SRGAP3: variants seen among roughly 807,000 people sequenced by gnomAD.
SRGAP3 encodes SLIT-ROBO Rho GTPase activating protein 3.
Under a neutral mutation model 121.1 loss-of-function variants are expected in SRGAP3, and 39 were observed. That is an observed-to-expected ratio of 0.32 (90% CI 0.25 to 0.42). SRGAP3 has a LOEUF of 0.42. Among genes scored for constraint, SRGAP3 ranks in the 10% least tolerant of loss-of-function variants. The pLI is 1.00. For missense variants in SRGAP3, 1,213 were observed against 1,470.6 expected, an observed-to-expected ratio of 0.82 and a Z score of 2.86; for synonymous variants, 601 against 570.0, an observed-to-expected ratio of 1.05 and a Z score of -0.77.
At chr3:9,251,813 G>C (rs1208310641), upstream of SRGAP3, among the ~76,000 whole-genome samples, 6 of 152,174 alleles carry the variant, frequency 3.9e-5, no homozygotes, top group African/African-American at 1.4e-4. Flanking sequence ...GAGTAAGTCA[G>C]ATGGTGGTTT....
At chr3:8,992,458 G>T (rs559883446) in intron 20 of SRGAP3, among the ~76,000 whole-genome samples, 33 of 152,258 alleles carry the variant, frequency 2.2e-4, no homozygotes, top group African/African-American at 7.9e-4. Context: ...GGGTGGAGTC[G>T]AGTGTCAATT....
chr3:9,090,742 T>C (rs1947718651), intron 3 of SRGAP3, among the ~76,000 whole-genome samples: 1 of 152,196 alleles, frequency 6.6e-6, no homozygotes. Flanking sequence ...GTTCAAGGGA[T>C]TCTCCTGCCT....
intron 1 of SRGAP3, among the ~76,000 whole-genome samples, chr3:9,152,259 T>C (rs1289975891): frequency 6.6e-6 from 1 of 152,186 alleles, no homozygotes; most frequent in Non-Finnish European, 1.5e-5. Flanking sequence ...GAAGTATGGG[T>C]AGCCAGCCAT....
intron 1 of SRGAP3, chr3:9,192,419 G>GT (rs1951779788): frequency 1.3e-5 from 2 of 152,218 alleles, no homozygotes; most frequent in South Asian, 4.1e-4. Context: ...GCCAAGGTCA[G>GT]TCACGTGGGT....
intron 1 of SRGAP3, among the ~76,000 whole-genome samples, chr3:9,126,639 AACTAAC>A (rs1560210946): frequency 1.0e-3 from 150 of 145,552 alleles, no homozygotes; most frequent in East Asian, 5.3e-3. Flanking sequence ...CTAACTAACT[AACTAAC>A]TAAATAAATA....
chr3:9,098,543 G>A (rs567793618), intron 3 of SRGAP3, among the ~76,000 whole-genome samples: 5 of 152,298 alleles, frequency 3.3e-5, no homozygotes, highest in African/African-American at 1.2e-4. Flanking sequence ...GGGATCACAG[G>A]TGTGAGCCAC....
intron 1 of SRGAP3, among the ~76,000 whole-genome samples, chr3:9,187,530 C>G (rs554890005): frequency 2.4e-4 from 36 of 152,274 alleles, no homozygotes; most frequent in Admixed American, 2.0e-3. Context: ...CAGTCTTACC[C>G]AGCCCTGGGC....
chr3:9,146,961 T>G (rs141605774), intron 1 of SRGAP3, among the ~76,000 whole-genome samples: 3,007 of 152,238 alleles, frequency 0.02, 42 homozygotes, highest in Non-Finnish European at 0.031. Flanking sequence ...ATGGACCCCC[T>G]CCACGCACAC....
At chr3:9,287,602 A>G (rs1157884300) in intron 3 of SRGAP3, among the ~76,000 whole-genome samples, 2 of 152,206 alleles carry the variant, frequency 1.3e-5, no homozygotes, top group Non-Finnish European at 2.9e-5. Context: ...TGGAGCCTAT[A>G]AAAGGCAGGA....
intron 1 of SRGAP3, among the ~76,000 whole-genome samples, chr3:9,163,121 A>C (rs1950653909): frequency 6.6e-6 from 1 of 152,244 alleles, no homozygotes. Flanking sequence ...TTCAATAAAC[A>C]TGAACAATCG....
chr3:9,326,759 G>C (rs1252267986), intron 2 of SRGAP3, among the ~76,000 whole-genome samples: 1 of 151,796 alleles, frequency 6.6e-6, no homozygotes, highest in African/African-American at 2.4e-5. Flanking sequence ...TCTAGAGCTT[G>C]ATTTTGAAAA....
Position 9,304,041 on chromosome 3 carries a change from G to A in SRGAP3, n.442+21969C>T, listed in dbSNP as rs190984645. The stretch of plus-strand genomic sequence containing the variant: ...AATAACTTCGTCTGGAAGGGGAGAC[G>A]TTTCACAAACAATTCTGTCCAGGGT... On this transcript the variant is annotated intron_variant and non_coding_transcript_variant, in intron 3 of 3. Coordinates refer to the SRGAP3 transcript ENST00000490889. Among the ~76,000 whole-genome samples, 309 of 152,288 alleles carry A rather than the reference G, an allele frequency of 2.0e-3. 1 individual carries two copies. Among genetic ancestry groups the A allele is most frequent in the Non-Finnish European group, 2.7e-3 (182 of 68,026 alleles).
At chr3:9,351,538 A>G (rs557973454) in intron 1 of SRGAP3, among the ~76,000 whole-genome samples, 2 of 152,238 alleles carry the variant, frequency 1.3e-5, no homozygotes, top group African/African-American at 4.8e-5. Context: ...ATTGAACCCC[A>G]TATTCCCTCC....
upstream of SRGAP3, among the ~76,000 whole-genome samples, chr3:9,252,456 C>T (rs140335296): frequency 0.015 from 2,314 of 150,502 alleles, 13 homozygotes; most frequent in Non-Finnish European, 0.024. Context: ...CCAGGTATTC[C>T]TTTACAGCAA....
intron 1 of SRGAP3, among the ~76,000 whole-genome samples, chr3:9,246,805 G>A (rs1009658505): frequency 5.3e-5 from 8 of 152,166 alleles, no homozygotes; most frequent in Non-Finnish European, 1.2e-4. Flanking sequence ...GGAATAAGAT[G>A]TAACTCCTTT....
chr3:9,226,946 T>A (rs1022478466), intron 1 of SRGAP3, among the ~76,000 whole-genome samples: 1 of 152,124 alleles, frequency 6.6e-6, no homozygotes, highest in Non-Finnish European at 1.5e-5. Context: ...GGAAATGATA[T>A]TTATGGAGGA....
chr3:9,027,949 T>G, intron 12 of SRGAP3: 2 of 896,014 alleles, frequency 2.2e-6, no homozygotes, highest in Non-Finnish European at 3.7e-6. Flanking sequence ...ACACCCCACC[T>G]GTGAATTCTT....
At chr3:9,150,512 T>G (rs967947219) in intron 1 of SRGAP3, among the ~76,000 whole-genome samples, 1 of 152,218 alleles carries the variant, frequency 6.6e-6, no homozygotes, top group Non-Finnish European at 1.5e-5. Context: ...CAGAACACTT[T>G]CAGTGTACAC....
At chr3:9,010,416 C>A in intron 17 of SRGAP3, 29 bp from the exon 18 acceptor site, 1 of 1,613,424 alleles carries the variant, frequency 6.2e-7, no homozygotes. Flanking sequence ...ATGGGACTCA[C>A]TGCGGGGGGT....
Sources: gnomAD v4.1 joint callset for allele counts (sites outside exome capture counted in the v4.1 genomes callset) on GRCh38, gnomAD v4.1.1 for gene constraint, MANE v1.5 for transcripts, NCBI Gene and HGNC (gene_info 2026-07-23, HGNC 2026-07-21) for gene names.